LINGO2: variants seen among roughly 807,000 people sequenced by gnomAD.
LINGO2 encodes leucine rich repeat and Ig domain containing 2.
Under a neutral mutation model 30.6 loss-of-function variants are expected in LINGO2, and 14 were observed. The ratio of observed to expected loss-of-function variants is 0.46; its 90% confidence interval spans 0.30 to 0.72. The LOEUF is 0.72. Ranked by LOEUF, LINGO2 falls within the 30% of genes least tolerant of loss-of-function variation. The pLI is 0.07. For missense variants in LINGO2, 729 were observed against 751.7 expected, an observed-to-expected ratio of 0.97 and a Z score of 0.35; for synonymous variants, 317 against 288.5, an observed-to-expected ratio of 1.10 and a Z score of -1.00.
At chr9:28,985,693 C>T in the LINGO2 span, among the ~76,000 whole-genome samples, 1 of 151,942 alleles carries the variant, frequency 6.6e-6, no homozygotes, top group African/African-American at 2.4e-5. Flanking sequence ...GTCCCTTGCC[C>T]ATTTTGTTCT....
the LINGO2 span, among the ~76,000 whole-genome samples, chr9:29,081,206 C>T: frequency 6.6e-6 from 1 of 152,092 alleles, no homozygotes; most frequent in Non-Finnish European, 1.5e-5. Context: ...AATCCAGCAG[C>T]ACATCAAAAA....
the LINGO2 span, among the ~76,000 whole-genome samples, chr9:28,739,518 A>C: frequency 6.6e-6 from 1 of 152,042 alleles, no homozygotes; most frequent in South Asian, 2.1e-4. Flanking sequence ...TCTGACAGAA[A>C]CCAGCAAATA....
the LINGO2 span, among the ~76,000 whole-genome samples, chr9:29,143,385 G>A: frequency 6.6e-6 from 1 of 152,086 alleles, no homozygotes; most frequent in Non-Finnish European, 1.5e-5. Flanking sequence ...CAAAGCTGGA[G>A]GCCTGACACT....
At chr9:28,979,127 GTGTT>G in the LINGO2 span, among the ~76,000 whole-genome samples, 2 of 151,768 alleles carry the variant, frequency 1.3e-5, no homozygotes, top group African/African-American at 4.8e-5. Context: ...GGCTATCTTA[GTGTT>G]TGTTTCTCTG....
intron 1 of LINGO2, among the ~76,000 whole-genome samples, chr9:28,565,705 C>T (rs952074813): frequency 4.6e-5 from 7 of 151,594 alleles, no homozygotes; most frequent in East Asian, 3.9e-4. Flanking sequence ...GCGCCCACCA[C>T]CACGCCCACC....
At chr9:28,863,482 T>C in the LINGO2 span, 10 of 354,896 alleles carry the variant, frequency 2.8e-5, no homozygotes, top group Non-Finnish European at 4.1e-5. Context: ...CTGTTAACAC[T>C]AAGCACCAAA....
intron 1 of LINGO2, among the ~76,000 whole-genome samples, chr9:28,566,965 T>C (rs1406968147): frequency 1.3e-5 from 2 of 152,218 alleles, no homozygotes; most frequent in Admixed American, 6.5e-5. Context: ...ATATTATTTT[T>C]AGCCTTCATC....
chr9:28,250,808 G>A (rs1368871157), intron 4 of LINGO2, among the ~76,000 whole-genome samples: 4 of 152,122 alleles, frequency 2.6e-5, no homozygotes, highest in Non-Finnish European at 5.9e-5. Context: ...TCCCTATTCA[G>A]GGGTTGCCAG....
the LINGO2 span, among the ~76,000 whole-genome samples, chr9:28,801,116 C>T: frequency 1.3e-5 from 2 of 152,032 alleles, no homozygotes; most frequent in Non-Finnish European, 2.9e-5. Context: ...CATTTTGAAG[C>T]ATTAACCCTC....
intron 1 of LINGO2, among the ~76,000 whole-genome samples, chr9:28,624,318 A>G (rs1201945551): frequency 1.3e-5 from 2 of 152,012 alleles, no homozygotes; most frequent in South Asian, 4.1e-4. Context: ...TCTGTCATGT[A>G]CAGCTTTTTT....
intron 4 of LINGO2, among the ~76,000 whole-genome samples, chr9:28,220,148 C>T (rs952158851): frequency 1.3e-5 from 2 of 151,900 alleles, no homozygotes; most frequent in African/African-American, 4.8e-5. Flanking sequence ...TGTTATATGC[C>T]AATACTATGC....
intron 2 of LINGO2, among the ~76,000 whole-genome samples, chr9:28,391,926 T>C (rs1821851750): frequency 6.6e-6 from 1 of 152,116 alleles, no homozygotes; most frequent in Non-Finnish European, 1.5e-5. Context: ...AACAACACCT[T>C]GGCCAAGTGT....
chr9:28,401,237 C>T (rs1822251510), intron 2 of LINGO2, among the ~76,000 whole-genome samples: 2 of 151,864 alleles, frequency 1.3e-5, no homozygotes, highest in African/African-American at 4.8e-5. Flanking sequence ...TATATTTGTA[C>T]CATGCTGGTT....
intron 4 of LINGO2, among the ~76,000 whole-genome samples, chr9:28,157,573 G>A (rs981769519): frequency 6.6e-6 from 1 of 152,148 alleles, no homozygotes; most frequent in Non-Finnish European, 1.5e-5. Context: ...TCTGCAGCTG[G>A]CTTGAATTTC....
At chr9:28,800,222 T>A in the LINGO2 span, among the ~76,000 whole-genome samples, 2 of 152,064 alleles carry the variant, frequency 1.3e-5, no homozygotes, top group African/African-American at 4.8e-5. Flanking sequence ...CCACAGAAAA[T>A]CAACTCGGTA....
intron 4 of LINGO2, among the ~76,000 whole-genome samples, chr9:28,142,342 A>C (rs1827697288): frequency 6.6e-6 from 1 of 152,068 alleles, no homozygotes; most frequent in Non-Finnish European, 1.5e-5. Flanking sequence ...TAAGTAGAGA[A>C]AAAAAATTAG....
At chr9:28,014,071 C>CT (rs1196110539) in intron 4 of LINGO2, among the ~76,000 whole-genome samples, 1 of 152,080 alleles carries the variant, frequency 6.6e-6, no homozygotes, top group Non-Finnish European at 1.5e-5. Flanking sequence ...CAAGTGCAGC[C>CT]TTTTTTTGCC....
intron 1 of LINGO2, among the ~76,000 whole-genome samples, chr9:28,617,799 C>T (rs1434060147): frequency 6.6e-6 from 1 of 151,962 alleles, no homozygotes; most frequent in African/African-American, 2.4e-5. Flanking sequence ...TTTAATAGGA[C>T]ACCTGTATTT....
intron 4 of LINGO2, among the ~76,000 whole-genome samples, chr9:28,060,976 T>A (rs571911300): frequency 6.6e-6 from 1 of 152,140 alleles, no homozygotes; most frequent in Admixed American, 6.6e-5. Flanking sequence ...CAATCCCCAT[T>A]TTTTAGAGAG....
Sources: gnomAD v4.1 joint callset for allele counts (sites outside exome capture counted in the v4.1 genomes callset) on GRCh38, gnomAD v4.1.1 for gene constraint, MANE v1.5 for transcripts, NCBI Gene and HGNC (gene_info 2026-07-23, HGNC 2026-07-21) for gene names.